NKAIN2: variants seen among roughly 807,000 people sequenced by gnomAD.
The protein encoded by NKAIN2 is sodium/potassium transporting ATPase interacting 2.
In NKAIN2, 14 loss-of-function variants were observed where a neutral mutation model predicts 32.6. That is an observed-to-expected ratio of 0.43 (90% CI 0.28 to 0.67). The LOEUF is 0.67. Among genes scored for constraint, NKAIN2 ranks in the 30% least tolerant of loss-of-function variants. The pLI is 0.17. For synonymous variants in NKAIN2, 80 were observed against 87.2 expected (o/e 0.92, Z 0.46); for missense variants, 198 against 258.3 (o/e 0.77, Z 1.60).
rs551856016 is a variant in NKAIN2 at position 124,787,129 on chromosome 6, C to A, written c.475-4210C>A. ...CTACTCCGAGAATGGATTACCAGTT[C>A]TTGGAGGAAGCAGCACCTTTATTCA... On this transcript the variant is annotated intron_variant, in intron 4 of 6. Coordinates refer to ENST00000368417, the MANE Select transcript of NKAIN2 (RefSeq NM_001040214.3). 2.2e-4 allele frequency among the ~76,000 whole-genome samples: 34 copies of A among 152,214 alleles called. No individual in the cohort carries two copies. The South Asian group carries it at 3.5e-3, about 16-fold the overall frequency.
rs59699067 is a variant in NKAIN2 at position 123,909,430 on chromosome 6, A to G, written c.54+105176A>G. On this transcript the variant is annotated intron_variant, in intron 1 of 6. Coordinates refer to ENST00000368417, the MANE Select transcript of NKAIN2 (RefSeq NM_001040214.3). ...AAAACGAATATCCTTGAGAGAGGCT[A>G]CAAGGCTCTACACCATCAGTCCTGC... Among the ~76,000 whole-genome samples the G allele has an allele frequency of 8.8e-4, 134 of 152,288 alleles. 1 individual carries two copies. In the East Asian group the frequency reaches 0.025, roughly 29 times the overall value.
intron 1 of NKAIN2, among the ~76,000 whole-genome samples, chr6:124,078,026 G>A (rs1783778518): frequency 6.6e-6 from 1 of 152,126 alleles, no homozygotes; most frequent in Non-Finnish European, 1.5e-5. Context: ...ACATGACAAT[G>A]AATTGTATTT....
chr6:124,017,784 C>T lies in NKAIN2; in HGVS notation c.54+213530C>T, dbSNP rs542269920. ...TTACATAGTACAGCACCCCCCACCC[C>T]GACCCCCCGGCTGTTTTCCCAGCCT... On this transcript the variant is annotated intron_variant, in intron 1 of 6. Coordinates refer to ENST00000368417, the MANE Select transcript of NKAIN2 (RefSeq NM_001040214.3). Among the ~76,000 whole-genome samples, 174 of 152,196 alleles carry T rather than the reference C, an allele frequency of 1.1e-3. 1 individual carries two copies. The highest frequency in any genetic ancestry group is 3.7e-3 in the South Asian group (18 of 4,818).
chr6:124,207,446 T>C (rs930202444), intron 1 of NKAIN2, among the ~76,000 whole-genome samples: 1 of 150,614 alleles, frequency 6.6e-6, no homozygotes, highest in Non-Finnish European at 1.5e-5. Context: ...TATATGTTTC[T>C]AAATAATTTT....
At chr6:123,958,503 G>C (rs1292564655) in intron 1 of NKAIN2, among the ~76,000 whole-genome samples, 1 of 152,176 alleles carries the variant, frequency 6.6e-6, no homozygotes, top group Non-Finnish European at 1.5e-5. Context: ...TGGTGGACAG[G>C]CAAAGGGGCA....
intron 1 of NKAIN2, among the ~76,000 whole-genome samples, chr6:124,182,131 G>A (rs560673952): frequency 6.6e-6 from 1 of 152,310 alleles, no homozygotes; most frequent in East Asian, 1.9e-4. Context: ...GCAGGCAAGA[G>A]AGCATGTGCA....
intron 1 of NKAIN2, among the ~76,000 whole-genome samples, chr6:124,148,088 A>G (rs956178280): frequency 6.6e-6 from 1 of 151,982 alleles, no homozygotes; most frequent in African/African-American, 2.4e-5. Flanking sequence ...CCTTCTGCCC[A>G]TATATATTTG....
intron 1 of NKAIN2, among the ~76,000 whole-genome samples, chr6:123,905,154 A>G (rs146257442): frequency 3.4e-4 from 52 of 152,306 alleles, no homozygotes; most frequent in African/African-American, 1.2e-3. Context: ...CAATTTATTT[A>G]GCCTTCCACA....
rs563428551 is a variant in NKAIN2 at position 123,862,817 on chromosome 6, A to G, written c.54+58563A>G. On this transcript the variant is annotated intron_variant, in intron 1 of 6. Coordinates refer to ENST00000368417, the MANE Select transcript of NKAIN2 (RefSeq NM_001040214.3). ...TGACTTTCCTTCTCTTATGGCATAT[A>G]TCTTATCTTTTTCTACGTATATGAC... 2.4e-3 allele frequency among the ~76,000 whole-genome samples: 359 copies of G among 152,188 alleles called. 1 individual carries two copies. Among genetic ancestry groups the G allele is most frequent in the Non-Finnish European group, 4.0e-3 (273 of 68,002 alleles).
At chr6:124,618,019 C>T (rs1038771172) in intron 3 of NKAIN2, among the ~76,000 whole-genome samples, 3 of 151,948 alleles carry the variant, frequency 2.0e-5, no homozygotes, top group African/African-American at 7.3e-5. Context: ...AATACAAAAG[C>T]GATATTTTAT....
At chr6:124,637,526 C>A (rs1783820338) in intron 3 of NKAIN2, among the ~76,000 whole-genome samples, 2 of 151,472 alleles carry the variant, frequency 1.3e-5, no homozygotes, top group African/African-American at 4.8e-5. Context: ...TTTAGAAAAA[C>A]CTAAAGATTC....
At chr6:124,195,471 C>G (rs913108896) in intron 1 of NKAIN2, among the ~76,000 whole-genome samples, 1 of 152,030 alleles carries the variant, frequency 6.6e-6, no homozygotes, top group Admixed American at 6.5e-5. Flanking sequence ...CACTTACTTG[C>G]TAGACATTTG....
rs142271297 is a variant in NKAIN2 at position 124,040,757 on chromosome 6, C to G, written c.54+236503C>G. Among the ~76,000 whole-genome samples the G allele has an allele frequency of 6.4e-3, 968 of 151,936 alleles. 7 individuals carry two copies. The highest frequency in any genetic ancestry group is 8.9e-3 in the Non-Finnish European group (603 of 67,874). On this transcript the variant is annotated intron_variant, in intron 1 of 6. Coordinates refer to ENST00000368417, the MANE Select transcript of NKAIN2 (RefSeq NM_001040214.3). ...ATTCAAATTCTTAAAGCTGTGTTAC[C>G]ACGAACAAGTTACTTAACATCTTTG...
At chr6:124,575,141 G>A (rs1288753930) in intron 3 of NKAIN2, among the ~76,000 whole-genome samples, 1 of 152,094 alleles carries the variant, frequency 6.6e-6, no homozygotes, top group Non-Finnish European at 1.5e-5. Flanking sequence ...TAAGCTTTTT[G>A]TTTAAAATTG....
At chr6:124,454,182 G>A (rs2114630098) in intron 3 of NKAIN2, among the ~76,000 whole-genome samples, 1 of 149,504 alleles carries the variant, frequency 6.7e-6, no homozygotes, top group African/African-American at 2.5e-5. Context: ...AGATTATGTT[G>A]ACTTCTGCCC....
At chr6:123,997,544 A>G (rs1779672836) in intron 1 of NKAIN2, among the ~76,000 whole-genome samples, 1 of 146,046 alleles carries the variant, frequency 6.8e-6, no homozygotes, top group Non-Finnish European at 1.5e-5. Context: ...CAGTTTGGCT[A>G]TTTTTTAAAT....
intron 1 of NKAIN2, among the ~76,000 whole-genome samples, chr6:124,206,071 T>A (rs997764880): frequency 6.6e-6 from 1 of 151,878 alleles, no homozygotes; most frequent in African/African-American, 2.4e-5. Flanking sequence ...GAACTTACAA[T>A]TATTTCCCAA....
At chr6:124,312,450 CCT>C (rs1264565954) in intron 2 of NKAIN2, among the ~76,000 whole-genome samples, 2 of 152,166 alleles carry the variant, frequency 1.3e-5, no homozygotes, top group Non-Finnish European at 2.9e-5. Flanking sequence ...TCTCATAACC[CCT>C]CTTTGGGTTA....
intron 1 of NKAIN2, among the ~76,000 whole-genome samples, chr6:123,911,202 T>G (rs1775160970): frequency 1.3e-5 from 2 of 152,152 alleles, no homozygotes; most frequent in African/African-American, 4.8e-5. Flanking sequence ...TCTGTCTCAG[T>G]CAGTTGTGTT....
Sources: allele counts gnomAD v4.1 joint callset (sites outside exome capture counted in the v4.1 genomes callset), GRCh38; gene constraint gnomAD v4.1.1; transcripts MANE v1.5; gene names NCBI Gene and HGNC (gene_info 2026-07-23, HGNC 2026-07-21).